KIFAP3: variants seen among roughly 807,000 people sequenced by gnomAD.
The protein encoded by KIFAP3 is kinesin associated protein 3, also known as kinesin-associated protein 3.
In KIFAP3, 68 loss-of-function variants were observed where a neutral mutation model predicts 106.5. That is an observed-to-expected ratio of 0.64 (90% CI 0.53 to 0.78). KIFAP3 has a LOEUF of 0.78. KIFAP3 is among the 30% of genes least tolerant of loss of function. The pLI, the probability that KIFAP3 is intolerant of heterozygous loss-of-function variation, is 0.00. For missense variants in KIFAP3, 780 were observed against 941.8 expected (o/e 0.83, Z 2.25); for synonymous variants, 320 against 311.5 (o/e 1.03, Z -0.29).
At chr1:170,062,827 A>G (rs534879828) in intron 1 of KIFAP3, among the ~76,000 whole-genome samples, 1 of 152,252 alleles carries the variant, frequency 6.6e-6, no homozygotes, top group Admixed American at 6.5e-5. Flanking sequence ...CCTATTCACA[A>G]CCCACTGATA....
At chr1:170,066,050 T>C (rs1000287848) in intron 1 of KIFAP3, among the ~76,000 whole-genome samples, 4 of 152,108 alleles carry the variant, frequency 2.6e-5, no homozygotes, top group African/African-American at 7.2e-5. Context: ...GTTTTCACTA[T>C]ACTTTTAAAA....
intron 1 of KIFAP3, among the ~76,000 whole-genome samples, chr1:170,071,937 C>A (rs1298682378): frequency 1.3e-5 from 2 of 152,178 alleles, no homozygotes; most frequent in African/African-American, 4.8e-5. Flanking sequence ...AAGCCACACA[C>A]TTTTTTCATA....
chr1:169,948,335 G>A lies in KIFAP3; in HGVS notation c.2273+5676C>T, dbSNP rs186319964. Among the ~76,000 whole-genome samples the A allele has an allele frequency of 2.2e-4, 33 of 151,768 alleles. No individual in the cohort carries two copies. The East Asian group carries it at 6.2e-3, about 28-fold the overall frequency. ...CATGTCTAGAAAAATGGCTAAGTCA[G>A]TTTTTTTGAAAGGCTTCATGAAGCA... On this transcript the variant is annotated intron_variant, in intron 19 of 19. Coordinates refer to ENST00000361580, the MANE Select transcript of KIFAP3 (RefSeq NM_014970.4).
At chr1:169,994,602 A>T (rs1415666241) in intron 10 of KIFAP3, among the ~76,000 whole-genome samples, 1 of 152,114 alleles carries the variant, frequency 6.6e-6, no homozygotes, top group Non-Finnish European at 1.5e-5. Flanking sequence ...GGACACTAGT[A>T]AGCATTTTCA....
chr1:169,946,319 G>C (rs1262377957), intron 19 of KIFAP3, among the ~76,000 whole-genome samples: 3 of 152,106 alleles, frequency 2.0e-5, no homozygotes, highest in Non-Finnish European at 2.9e-5. Context: ...TTAGCTGCTT[G>C]CTTCCAAGCA....
At chr1:169,965,386 AC>A (rs892390209) in intron 17 of KIFAP3, among the ~76,000 whole-genome samples, 4 of 151,056 alleles carry the variant, frequency 2.6e-5, no homozygotes, top group Non-Finnish European at 5.9e-5. Context: ...CTGGTGTAAA[AC>A]AGGGGTTAAA....
At chr1:169,955,471 T>A (rs1411213844) in intron 18 of KIFAP3, among the ~76,000 whole-genome samples, 2 of 151,846 alleles carry the variant, frequency 1.3e-5, no homozygotes, top group Non-Finnish European at 2.9e-5. Flanking sequence ...CTACTTTGAG[T>A]GGAGGTGGCA....
At chr1:170,019,146 C>T (rs1668676939) in intron 9 of KIFAP3, among the ~76,000 whole-genome samples, 1 of 152,092 alleles carries the variant, frequency 6.6e-6, no homozygotes. Flanking sequence ...TACAGAGCTA[C>T]CACTCAAGAA....
intron 10 of KIFAP3, among the ~76,000 whole-genome samples, chr1:170,001,016 G>T (rs1437512485): frequency 6.6e-6 from 1 of 152,022 alleles, no homozygotes; most frequent in Non-Finnish European, 1.5e-5. Flanking sequence ...TGTTTTTAGA[G>T]ATAGTCACTA....
chr1:170,038,428 C>T lies in KIFAP3; in HGVS notation c.379G>A (p.Asp127Asn). The change falls in exon 5 of 20, where the codon GAT (aspartate) becomes AAT (asparagine). Residue 127 changes from aspartate to asparagine, a missense_variant. Physicochemically the swap from Asp to Asn is conservative, Grantham distance 23. Transcript: ENST00000361580. ...DPPPFEGMEI[D>N]EVANINDMDE... ...ATGTCATTAATGTTAGCAACTTCAT[C>T]AATCTGAAACAAAGAGGCAGAAAGT... is the stretch of plus-strand genomic sequence containing the variant. The T allele has an allele frequency of 6.2e-7, 1 of 1,604,100 alleles. No individual in the cohort carries two copies. Among genetic ancestry groups the T allele is most frequent in the East Asian group, 2.3e-5 (1 of 44,350 alleles).
chr1:169,964,220 T>TAACA (rs1553276548), intron 17 of KIFAP3, among the ~76,000 whole-genome samples: 2 of 151,924 alleles, frequency 1.3e-5, no homozygotes, highest in Non-Finnish European at 2.9e-5. Flanking sequence ...TGAGAACACT[T>TAACA]AATGTTAGCC....
chr1:170,056,125 C>T (rs1163199791), intron 1 of KIFAP3, among the ~76,000 whole-genome samples: 1 of 149,550 alleles, frequency 6.7e-6, no homozygotes, highest in Non-Finnish European at 1.5e-5. Flanking sequence ...AAAAAAAAAT[C>T]AACCTGCCCG....
At chr1:170,036,481 C>T (rs1669699497) in intron 5 of KIFAP3, among the ~76,000 whole-genome samples, 1 of 152,078 alleles carries the variant, frequency 6.6e-6, no homozygotes, top group Non-Finnish European at 1.5e-5. Context: ...TAGCATTTCA[C>T]AGTATTATTC....
chr1:169,956,546 C>T (rs1248485392), intron 18 of KIFAP3, among the ~76,000 whole-genome samples: 1 of 149,660 alleles, frequency 6.7e-6, no homozygotes, highest in African/African-American at 2.5e-5. Context: ...CAGAATACAA[C>T]TAGTTCAATA....
chr1:169,934,347 T>C (rs1663666998), intron 19 of KIFAP3, among the ~76,000 whole-genome samples: 1 of 152,184 alleles, frequency 6.6e-6, no homozygotes, highest in Admixed American at 6.6e-5. Context: ...CAAAACCCTT[T>C]AGATTTTATG....
chr1:169,925,091 T>C (rs1663061555), intron 19 of KIFAP3, among the ~76,000 whole-genome samples: 1 of 152,188 alleles, frequency 6.6e-6, no homozygotes. Flanking sequence ...TGCATGTCTC[T>C]GTATGTACAT....
intron 11 of KIFAP3, among the ~76,000 whole-genome samples, chr1:169,986,563 T>C (rs941777132): frequency 6.6e-6 from 1 of 151,966 alleles, no homozygotes; most frequent in Non-Finnish European, 1.5e-5. Flanking sequence ...AATCTTAATT[T>C]ACTGGATATA....
At chr1:170,065,940 T>C (rs1671422576) in intron 1 of KIFAP3, among the ~76,000 whole-genome samples, 1 of 152,188 alleles carries the variant, frequency 6.6e-6, no homozygotes, top group Non-Finnish European at 1.5e-5. Flanking sequence ...GATTCAGATC[T>C]ATCACTTCAT....
chr1:169,925,817 G>A (rs548413693), intron 19 of KIFAP3, among the ~76,000 whole-genome samples: 103 of 152,190 alleles, frequency 6.8e-4, no homozygotes, highest in Middle Eastern at 3.4e-3. Flanking sequence ...TAATTAGTGC[G>A]TATTTGTAAA....
Sources: allele counts gnomAD v4.1 joint callset (sites outside exome capture counted in the v4.1 genomes callset), GRCh38; gene constraint gnomAD v4.1.1; transcripts MANE v1.5; gene names NCBI Gene and HGNC (gene_info 2026-07-23, HGNC 2026-07-21).